PUS7L: variants seen among roughly 807,000 people sequenced by gnomAD.
The protein encoded by PUS7L is pseudouridylate synthase PUS7L.
Under a neutral mutation model 51.1 loss-of-function variants are expected in PUS7L, and 49 were observed. That is an observed-to-expected ratio of 0.96 (90% CI 0.76 to 1.22). PUS7L has a LOEUF of 1.22. Ranked by LOEUF, PUS7L falls within the 50% of genes most tolerant of loss-of-function variation. PUS7L has a pLI of 0.00. For missense variants in PUS7L, 828 were observed against 820.6 expected, an observed-to-expected ratio of 1.01 and a Z score of -0.11; for synonymous variants, 277 against 276.2, an observed-to-expected ratio of 1.00 and a Z score of -0.03.
chr12:43,740,324 A>G (rs1305898491), intron 5 of PUS7L, among the ~76,000 whole-genome samples: 6 of 152,180 alleles, frequency 3.9e-5, no homozygotes, highest in African/African-American at 1.4e-4. Flanking sequence ...AACAAATATT[A>G]TTAGGTATCT....
chr12:43,752,019 C>T (rs575537732), intron 2 of PUS7L, among the ~76,000 whole-genome samples: 1 of 152,308 alleles, frequency 6.6e-6, no homozygotes, highest in South Asian at 2.1e-4. Flanking sequence ...AGTGTCTGTT[C>T]ATATCCTTTG....
chr12:43,752,348 T>C (rs1403972313), intron 2 of PUS7L, among the ~76,000 whole-genome samples: 1 of 152,198 alleles, frequency 6.6e-6, no homozygotes, highest in Admixed American at 6.5e-5. Flanking sequence ...TCCAAGAACA[T>C]GACAAGAAGT....
chr12:43,745,378 C>T (rs978463869), intron 4 of PUS7L, among the ~76,000 whole-genome samples: 6 of 152,118 alleles, frequency 3.9e-5, no homozygotes, highest in Admixed American at 3.9e-4. Context: ...GGGAGAGACC[C>T]AGTGGGATTG....
rs924033457 is a variant in PUS7L, at chr12:43,729,471, T to G, written c.*905A>C. 8.7e-6 allele frequency: 3 copies of G among 345,152 alleles called. No homozygotes were observed. The highest frequency in any genetic ancestry group is 6.3e-5 in the African/African-American group (3 of 47,586). The allele number at this position is 345,152 out of a possible 1,614,324, so 21.4% of individuals were successfully genotyped here. ...CCAACACACCCATATTTAACTGATA[T>G]AAAATGGTGAAGGATGATTTATAAT... On this transcript the variant is annotated 3_prime_UTR_variant, in exon 9 of 9. Transcript: ENST00000344862.
intron 1 of PUS7L, among the ~76,000 whole-genome samples, chr12:43,757,473 T>G (rs1212706547): frequency 6.7e-6 from 1 of 149,536 alleles, no homozygotes. Context: ...GCCCAGCAAG[T>G]GATTCTCTTT....
At position 43,726,472 on chromosome 12, in the gene PUS7L, G is replaced by A. The variant is rs182737817; in HGVS notation, c.*3904C>T. 23 of 143,354 alleles carry A rather than the reference G, an allele frequency of 1.6e-4. No individual in the cohort carries two copies. In the East Asian group the frequency reaches 3.1e-3, roughly 20 times the overall value. The allele number at this position is 143,354 out of a possible 1,614,324, so 8.9% of individuals were successfully genotyped here. A position where few individuals can be genotyped will look rare whatever the true frequency, so the allele number is the denominator to read the frequency against. ...AGAAAACCTAGGAAATATCATTCTG[G>A]ACAAAAGACCTAACAAAGATATCAT... On this transcript the variant is annotated 3_prime_UTR_variant, in exon 9 of 9. Coordinates refer to ENST00000344862, the MANE Select transcript of PUS7L (RefSeq NM_031292.5).
chr12:43,732,810 T>G (rs898861620), intron 7 of PUS7L, among the ~76,000 whole-genome samples: 5 of 152,196 alleles, frequency 3.3e-5, no homozygotes, highest in Non-Finnish European at 5.9e-5. Flanking sequence ...TGTTTTTTTG[T>G]TTATTGGTAA....
chr12:43,746,002 A>G, intron 4 of PUS7L, 44 bp downstream of exon 4: 1 of 868,362 alleles, frequency 1.2e-6, no homozygotes, highest in Non-Finnish European at 1.9e-6. Context: ...AGAAAGAGAC[A>G]ATGAAGATTT....
rs1939065138 is a variant in PUS7L at position 43,758,753 on chromosome 12, T to G, written c.-40A>C. The stretch of plus-strand genomic sequence containing the variant: ...ACCTCGGTTCAGTGGAAGGCATTCA[T>G]TTGCACAACGCTGTGCGCATGCCCG... On this transcript the variant is annotated 5_prime_UTR_variant, in exon 1 of 9. It removes an upstream start codon present in the reference 5' UTR. Coordinates refer to ENST00000344862, the MANE Select transcript of PUS7L (RefSeq NM_031292.5). 2 of 977,992 alleles carry G rather than the reference T, an allele frequency of 2.0e-6. No individual in the cohort carries two copies. Among genetic ancestry groups the G allele is most frequent in the Non-Finnish European group, 2.4e-6 (2 of 826,670 alleles). 60.6% of individuals were successfully genotyped at this position (977,992 alleles called of 1,614,324 possible). A position where few individuals can be genotyped will look rare whatever the true frequency, so the allele number is the denominator to read the frequency against.
At position 43,742,514 on chromosome 12, in the gene PUS7L, C is replaced by G; in HGVS notation, c.1305G>C (p.Gly435=). The G allele has an allele frequency of 6.2e-7, 1 of 1,610,290 alleles. No individual in the cohort carries two copies. Among genetic ancestry groups the G allele is most frequent in the Non-Finnish European group, 8.5e-7 (1 of 1,178,650 alleles). ...GGTCTGTGTGAACTTTCCTTCCCTT[C>G]CCAAATCTCTGTGGTCCATAGTAAT... is the stretch of plus-strand genomic sequence containing the variant. ...FVNYYGPQRF[G]KGRKVHTDQI... is the part of the protein sequence containing the mutation. The change falls in exon 5 of 9, where the codon GGG becomes GGC. Residue 435 remains glycine (G), a synonymous_variant. Transcript: ENST00000344862.
chr12:43,735,120 C>T (rs998359924), intron 7 of PUS7L, among the ~76,000 whole-genome samples: 2 of 151,812 alleles, frequency 1.3e-5, no homozygotes, highest in African/African-American at 4.8e-5. Context: ...TCGAGACCAT[C>T]CTGGCTAACA....
intron 3 of PUS7L, 29 bp downstream of exon 3, chr12:43,748,421 T>C (rs751194380): frequency 9.9e-6 from 15 of 1,516,104 alleles, no homozygotes; most frequent in Middle Eastern, 4.0e-4. Flanking sequence ...TCAAAGTTTC[T>C]ATCCTAAAAT....
At position 43,724,323 on chromosome 12, in the gene PUS7L, T is replaced by C. The variant is rs891226486; in HGVS notation, c.*6053A>G. On this transcript the variant is annotated 3_prime_UTR_variant, in exon 9 of 9. Transcript: ENST00000344862. ...AAAAAAAAACCTCTAAAAATATGAATTGTAATTACTTTATGCTAAAACTAA... is the reference window on the plus strand; with the variant it reads ...AAAAAAAAACCTCTAAAAATATGAACTGTAATTACTTTATGCTAAAACTAA... 8 of 151,946 alleles carry C rather than the reference T, an allele frequency of 5.3e-5. No individual in the cohort carries two copies. Among genetic ancestry groups the C allele is most frequent in the South Asian group, 2.1e-4 (1 of 4,816 alleles). The allele number at this position is 151,946 out of a possible 1,614,324, so 9.4% of individuals were successfully genotyped here. A position where few individuals can be genotyped will look rare whatever the true frequency, so the allele number is the denominator to read the frequency against.
At chr12:43,739,744 G>A (rs1019992938) in intron 5 of PUS7L, 1 of 152,130 alleles carries the variant, frequency 6.6e-6, no homozygotes, top group Non-Finnish European at 1.5e-5. Flanking sequence ...ACAAAAGGAT[G>A]CTGGAAATAT....
chr12:43,728,966 A>G lies in PUS7L; in HGVS notation c.*1410T>C. 1 of 322,512 alleles carries G rather than the reference A, an allele frequency of 3.1e-6. No homozygotes were observed. The highest frequency in any genetic ancestry group is 5.6e-6 in the Non-Finnish European group (1 of 177,436). The allele number at this position is 322,512 out of a possible 1,614,324, so 20.0% of individuals were successfully genotyped here. A position where few individuals can be genotyped will look rare whatever the true frequency, so the allele number is the denominator to read the frequency against. On this transcript the variant is annotated 3_prime_UTR_variant, in exon 9 of 9. Coordinates refer to ENST00000344862, the MANE Select transcript of PUS7L (RefSeq NM_031292.5). Reference sequence around the variant, plus strand: ...TTCAAACTGGGTTAGTTTGTCTCCAATATCTGTGCTTTTAATCACTATGCT... The same window carrying G: ...TTCAAACTGGGTTAGTTTGTCTCCAGTATCTGTGCTTTTAATCACTATGCT...
intron 2 of PUS7L, among the ~76,000 whole-genome samples, chr12:43,750,850 T>C (rs1287414465): frequency 6.6e-6 from 1 of 152,154 alleles, no homozygotes; most frequent in Non-Finnish European, 1.5e-5. Context: ...GGAGGGTAGA[T>C]ATTGGAATTC....
At chr12:43,735,369 A>T (rs1944662485) in intron 7 of PUS7L, among the ~76,000 whole-genome samples, 1 of 151,428 alleles carries the variant, frequency 6.6e-6, no homozygotes, top group Non-Finnish European at 1.5e-5. Flanking sequence ...AAAATAAAAA[A>T]TAAAACTGGA....
rs1445870116 is a variant in PUS7L at position 43,729,170 on chromosome 12, T to C, written c.*1206A>G. 1 of 397,676 alleles carries C rather than the reference T, an allele frequency of 2.5e-6. No individual in the cohort carries two copies. Among genetic ancestry groups the C allele is most frequent in the Non-Finnish European group, 4.4e-6 (1 of 225,450 alleles). 24.6% of individuals were successfully genotyped at this position (397,676 alleles called of 1,614,324 possible). The stretch of plus-strand genomic sequence containing the variant: ...CATTTTACTTACTTTAGTTACGTAA[T>C]GCTGGACTTTGAAAACTGTTTTTAG... On this transcript the variant is annotated 3_prime_UTR_variant, in exon 9 of 9. Coordinates refer to ENST00000344862, the MANE Select transcript of PUS7L (RefSeq NM_031292.5).
rs1944377185 is a variant in PUS7L, at chr12:43,719,891, A to G, written c.*10485T>C. The stretch of plus-strand genomic sequence containing the variant: ...TATGTCAGCTCTACTAGTATTTTCA[A>G]CAAACCAACTTTTGGATTTGTAGAT... On this transcript the variant is annotated 3_prime_UTR_variant, in exon 9 of 9. Coordinates refer to ENST00000344862, the MANE Select transcript of PUS7L (RefSeq NM_031292.5). The G allele has an allele frequency of 6.6e-6, 1 of 152,164 alleles. No individual in the cohort carries two copies. Among genetic ancestry groups the G allele is most frequent in the Non-Finnish European group, 1.5e-5 (1 of 68,022 alleles). The allele number at this position is 152,164 out of a possible 1,614,324, so 9.4% of individuals were successfully genotyped here.
Sources: gnomAD v4.1 joint callset for allele counts (sites outside exome capture counted in the v4.1 genomes callset) on GRCh38, gnomAD v4.1.1 for gene constraint, MANE v1.5 for transcripts, NCBI Gene and HGNC (gene_info 2026-07-23, HGNC 2026-07-21) for gene names.